The following DHX40 variants were observed in gnomAD, a reference collection of about 807,000 sequenced individuals.
DHX40 encodes the protein probable ATP-dependent RNA helicase DHX40.
DHX40 carries 28 observed loss-of-function variants against 89.6 expected under a neutral mutation model. The observed-to-expected ratio is 0.31, with a 90% CI of 0.23 to 0.43. DHX40 has a LOEUF of 0.43. Ranked by LOEUF, DHX40 falls within the 20% of genes least tolerant of loss-of-function variation. DHX40 has a pLI of 1.00. For missense variants in DHX40, 457 were observed against 844.0 expected (o/e 0.54, Z 5.68); for synonymous variants, 226 against 283.6 (o/e 0.80, Z 2.04).
chr17:59,607,053 T>G lies in DHX40; in HGVS notation c.2221T>G (p.Leu741Val). The stretch of plus-strand genomic sequence containing the variant: ...TTCAGATGGAATATCGAAAGACGTC[T>G]TAAAGAAAATGCAAAGAAGAAATGA... ...QLKDGISKDV[L>V]KKMQRRNDDK... The change falls in exon 18 of 18, where the codon TTA (leucine) becomes GTA (valine). Residue 741 changes from leucine (L) to valine (V), a missense_variant. By Grantham distance (32) the Leu-to-Val change is conservative. Coordinates refer to ENST00000251241, the MANE Select transcript of DHX40 (RefSeq NM_024612.5). The G allele has an allele frequency of 6.2e-7, 1 of 1,613,680 alleles. No homozygotes were observed. Among genetic ancestry groups the G allele is most frequent in the South Asian group, 1.1e-5 (1 of 90,954 alleles).
chr17:59,588,241 A>ACAAAAAAAAACAAAAAAAAAAAAC (rs2049029270), intron 12 of DHX40, among the ~76,000 whole-genome samples, 188 bp downstream of exon 12: 1 of 146,066 alleles, frequency 6.8e-6, no homozygotes, highest in African/African-American at 2.7e-5. Context: ...AAAAAAAAAA[A>ACAAAAAAAAACAAAAAAAAAAAAC]CCAAAAACAA....
intron 1 of DHX40, among the ~76,000 whole-genome samples, chr17:59,566,248 G>T (rs530546279): frequency 6.6e-6 from 1 of 152,118 alleles, no homozygotes; most frequent in African/African-American, 2.4e-5. Context: ...AACACAGGTG[G>T]CTTCTAATCC....
In DHX40 at chr17:59,607,067, A is replaced by G. The variant is rs375032965; in HGVS notation, c.2235A>G (p.Gln745=). The G allele has an allele frequency of 2.1e-5, 34 of 1,613,912 alleles. No individual in the cohort carries two copies. Among genetic ancestry groups the G allele is most frequent in the Non-Finnish European group, 2.8e-5 (33 of 1,180,020 alleles). The change falls in exon 18 of 18, where the codon CAA becomes CAG. Residue 745 remains glutamine, a synonymous_variant. Transcript: ENST00000251241. ...GISKDVLKKM[Q]RRNDDKSISD... is the part of the protein sequence containing the mutation. ...CGAAAGACGTCTTAAAGAAAATGCA[A>G]AGAAGAAATGATGACAAATCCATAT...
intron 2 of DHX40, among the ~76,000 whole-genome samples, chr17:59,569,120 G>C (rs1178979978): frequency 1.3e-5 from 2 of 152,106 alleles, no homozygotes; most frequent in South Asian, 2.1e-4. Context: ...CTTGAGGTCA[G>C]AAGTTTGCGA....
At position 59,607,469 on chromosome 17, in the gene DHX40, C is replaced by T. The variant is rs751901862; in HGVS notation, c.*297C>T. Reference sequence around the variant, plus strand: ...TTTGCTGGCCTTAACTGGTATCAAACGCTGTCATTGAGATGTTTTCAAAGA... The same window carrying T: ...TTTGCTGGCCTTAACTGGTATCAAATGCTGTCATTGAGATGTTTTCAAAGA... On this transcript the variant is annotated 3_prime_UTR_variant, in exon 18 of 18. Transcript: ENST00000251241. 94 of 584,446 alleles carry T rather than the reference C, an allele frequency of 1.6e-4. No individual in the cohort carries two copies. Among genetic ancestry groups the T allele is most frequent in the Non-Finnish European group, 2.5e-4 (82 of 329,204 alleles). 36.2% of individuals were successfully genotyped at this position (584,446 alleles called of 1,614,324 possible). A position where few individuals can be genotyped will look rare whatever the true frequency, so the allele number is the denominator to read the frequency against.
intron 11 of DHX40, among the ~76,000 whole-genome samples, chr17:59,587,030 G>A (rs528401655): frequency 6.6e-6 from 1 of 152,068 alleles, no homozygotes; most frequent in South Asian, 2.1e-4. Flanking sequence ...GCACATGCCA[G>A]TAGTCCCAGC....
chr17:59,573,282 T>G, intron 4 of DHX40, 47 bp downstream of exon 4: 1 of 1,528,356 alleles, frequency 6.5e-7, no homozygotes, highest in Non-Finnish European at 8.8e-7. Flanking sequence ...AAGTAGTTTG[T>G]TTGGGTAGCT....
At chr17:59,588,105 G>T (rs1211094273) in intron 12 of DHX40, 52 bp downstream of exon 12, 4 of 1,601,840 alleles carry the variant, frequency 2.5e-6, no homozygotes, top group Non-Finnish European at 3.4e-6. Flanking sequence ...ACTTGGCTGG[G>T]CACGGTGGCT....
chr17:59,567,218 T>C (rs2048718697), intron 2 of DHX40, among the ~76,000 whole-genome samples: 1 of 152,206 alleles, frequency 6.6e-6, no homozygotes, highest in South Asian at 2.1e-4. Flanking sequence ...GCAAGCCAAC[T>C]AACAAATTAC....
chr17:59,570,079 T>TCA, intron 2 of DHX40, among the ~76,000 whole-genome samples: 1 of 101,952 alleles, frequency 9.8e-6, no homozygotes, highest in Non-Finnish European at 1.7e-5. Context: ...ATAATGTATA[T>TCA]TTATATATAA....
rs766674022 is a variant in DHX40 at position 59,588,044 on chromosome 17, A to G, written c.1573A>G (p.Ile525Val). The G allele has an allele frequency of 1.2e-6, 2 of 1,613,420 alleles. No homozygotes were observed. Among genetic ancestry groups the G allele is most frequent in the Non-Finnish European group, 1.7e-6 (2 of 1,179,636 alleles). The change falls in exon 12 of 18, where the codon ATT becomes GTT. Residue 525 changes from isoleucine to valine, a missense_variant. Around this residue, in one of 9 missense-constraint regions of DHX40, gnomAD observed 19 missense variants for 24.2 expected, o/e 0.78. Transcript: ENST00000251241. ...AAMLSVENVF[I>V]RPVDPEYQKE... Reference sequence around the variant, plus strand: ...AATGTTGTCTGTGGAAAACGTCTTCATTAGACCTGGTAAGATGTTTATTTT... The same window carrying G: ...AATGTTGTCTGTGGAAAACGTCTTCGTTAGACCTGGTAAGATGTTTATTTT...
At chr17:59,586,665 GAAA>G (rs748237437) in intron 11 of DHX40, among the ~76,000 whole-genome samples, 6 of 129,730 alleles carry the variant, frequency 4.6e-5, no homozygotes, top group Non-Finnish European at 8.3e-5. Context: ...AACTCCATCT[GAAA>G]AAAAAAAAAA....
chr17:59,590,258 A>C (rs2143302307), intron 12 of DHX40, among the ~76,000 whole-genome samples: 1 of 148,122 alleles, frequency 6.8e-6, no homozygotes, highest in African/African-American at 2.5e-5. Context: ...TTTTTCTTTC[A>C]AGGAGCTTCC....
chr17:59,588,941 C>A (rs1222070651), intron 12 of DHX40, among the ~76,000 whole-genome samples: 2 of 152,192 alleles, frequency 1.3e-5, no homozygotes, highest in Admixed American at 6.6e-5. Flanking sequence ...AAACACTGTC[C>A]TTTTTCTGTT....
In DHX40 at chr17:59,575,341, C is replaced by G. The variant is rs373514663; in HGVS notation, c.843C>G (p.Gly281=). 31 of 1,568,424 alleles carry G rather than the reference C, an allele frequency of 2.0e-5. 1 individual carries two copies. The South Asian group carries it at 3.8e-4, about 19-fold the overall frequency. Reference sequence around the variant, plus strand: ...GTTATTTTTTTCTTCCCATTTTAGGCCAGTTTGAAATAGAAAAAAGTTGTG... The same window carrying G: ...GTTATTTTTTTCTTCCCATTTTAGGGCAGTTTGAAATAGAAAAAAGTTGTG... ...MAGDILVFLT[G]QFEIEKSCEL... Residue 281 remains glycine (G), a splice_region_variant and synonymous_variant, in exon 7 of 18, where the codon GGC becomes GGG. Transcript: ENST00000251241.
At chr17:59,603,512 G>A (rs895206808) in intron 15 of DHX40, 1 of 152,136 alleles carries the variant, frequency 6.6e-6, no homozygotes, top group South Asian at 2.1e-4. Flanking sequence ...TTGAGGCCAC[G>A]TCAGAAGAAC....
At chr17:59,602,857 A>T (rs567814114) in intron 15 of DHX40, among the ~76,000 whole-genome samples, 1 of 152,236 alleles carries the variant, frequency 6.6e-6, no homozygotes, top group East Asian at 1.9e-4. Flanking sequence ...AGCATGGGTT[A>T]TCTTCACTTA....
intron 6 of DHX40, 104 bp from the exon 7 acceptor site, chr17:59,575,236 A>G: frequency 2.3e-6 from 2 of 885,462 alleles, no homozygotes; most frequent in Non-Finnish European, 3.3e-6. Flanking sequence ...TGAGAGATTT[A>G]CAATAACTTT....
intron 3 of DHX40, among the ~76,000 whole-genome samples, chr17:59,571,231 G>A (rs1364611329): frequency 1.3e-5 from 2 of 152,136 alleles, no homozygotes; most frequent in Non-Finnish European, 2.9e-5. Context: ...GCCGAGGCGG[G>A]TGGATCACCT....
Sources: allele counts gnomAD v4.1 joint callset (sites outside exome capture counted in the v4.1 genomes callset), GRCh38; gene constraint gnomAD v4.1.1; regional missense constraint gnomAD v4.1.1; transcripts MANE v1.5; gene names NCBI Gene and HGNC (gene_info 2026-07-23, HGNC 2026-07-21).